Variants in PIKFYVE observed in about 807,000 individuals in gnomAD.
PIKFYVE encodes phosphoinositide kinase, FYVE-type zinc finger containing, also known as 1-phosphatidylinositol 3-phosphate 5-kinase.
A neutral mutation model predicts 257.9 loss-of-function variants in PIKFYVE; 122 were observed. The ratio of observed to expected loss-of-function variants is 0.47; its 90% CI spans 0.41 to 0.55. The LOEUF (loss-of-function observed/expected upper bound fraction) is 0.55, where lower values mean the gene tolerates loss of function less well. PIKFYVE is among the 20% of genes least tolerant of loss of function. The pLI is 0.00. For synonymous variants in PIKFYVE, 892 were observed against 868.9 expected (o/e 1.03, Z -0.47); for missense variants, 2,160 against 2,536.6 (o/e 0.85, Z 3.19).
rs1292522475 is a variant in PIKFYVE at position 208,340,012 on chromosome 2, T to G, written c.4812T>G (p.Asp1604Glu). ...PELDTASSSE[D>E]VFDGHLLGST... ...TAAGTAGACTATTTTTCATTTTAGA[T>G]GTGTTTGATGGGCATTTGCTGGGAT... The change falls in exon 31 of 42, where the codon GAT becomes GAG. Residue 1604 changes from aspartate to glutamate, a missense_variant and splice_region_variant. Asp to Glu is a conservative substitution (Grantham distance 45, BLOSUM62 2). Around this residue, in one of 12 missense-constraint regions of PIKFYVE, gnomAD observed 699 missense variants for 855.8 expected, o/e 0.82. Transcript: ENST00000264380. 6.2e-7 allele frequency: 1 copy of G among 1,613,070 alleles called. No homozygotes were observed. The highest frequency in any genetic ancestry group is 1.1e-5 in the South Asian group (1 of 91,064).
chr2:208,325,077 T>C, intron 19 of PIKFYVE, 40 bp downstream of exon 19: 1 of 1,612,476 alleles, frequency 6.2e-7, no homozygotes, highest in African/African-American at 1.3e-5. Context: ...AGGAAAAGAG[T>C]TAACTTATCA....
chr2:208,270,129 C>T (rs1315880825), intron 1 of PIKFYVE, among the ~76,000 whole-genome samples: 2 of 150,564 alleles, frequency 1.3e-5, no homozygotes, highest in African/African-American at 4.9e-5. Context: ...GTAACCTCCG[C>T]CTCCTGGGTT....
intron 1 of PIKFYVE, among the ~76,000 whole-genome samples, chr2:208,267,882 G>T (rs1688871797): frequency 6.6e-6 from 1 of 152,170 alleles, no homozygotes; most frequent in South Asian, 2.1e-4. Context: ...AGGCTCAAGG[G>T]ATTCTCCTGC....
At chr2:208,301,346 C>T (rs1693654453) in intron 9 of PIKFYVE, among the ~76,000 whole-genome samples, 1 of 152,146 alleles carries the variant, frequency 6.6e-6, no homozygotes, top group Non-Finnish European at 1.5e-5. Context: ...AACTCTCTAG[C>T]AAAGGAGGAT....
At chr2:208,340,987 C>G (rs757033505) in intron 31 of PIKFYVE, among the ~76,000 whole-genome samples, 1 of 151,816 alleles carries the variant, frequency 6.6e-6, no homozygotes, top group Non-Finnish European at 1.5e-5. Context: ...TGTTCATGCT[C>G]TCACATTTAT....
intron 29 of PIKFYVE, 26 bp from the exon 30 acceptor site, chr2:208,339,392 T>C (rs1185520331): frequency 6.2e-7 from 1 of 1,612,808 alleles, no homozygotes; most frequent in Admixed American, 1.7e-5. Context: ...TGTAAATGAC[T>C]CATTTAAGAT....
intron 4 of PIKFYVE, 112 bp from the exon 5 acceptor site, chr2:208,277,425 A>C: frequency 3.4e-6 from 4 of 1,177,312 alleles, no homozygotes; most frequent in Non-Finnish European, 5.0e-6. Context: ...TTCCCATATG[A>C]ATTTTTGAAT....
chr2:208,277,892 TTATCA>T (rs769222881), intron 5 of PIKFYVE, among the ~76,000 whole-genome samples, 184 bp downstream of exon 5: 4 of 152,286 alleles, frequency 2.6e-5, no homozygotes, highest in Admixed American at 2.0e-4. Flanking sequence ...TAGATGGGAC[TTATCA>T]TAAATAACTA....
rs34169884 is a variant in PIKFYVE at position 208,308,709 on chromosome 2, GT to G, written c.1637-3512del. ...GAGCTTATGATAACACTAGTAGTTG[GT>G]TTTTTTTTTTTTTTGAGACGAAATT... On this transcript the variant is annotated intron_variant, in intron 12 of 41. Transcript: ENST00000264380. 1.3e-3 allele frequency among the ~76,000 whole-genome samples: 178 copies of G among 140,506 alleles called. 1 individual carries two copies. Among genetic ancestry groups the G allele is most frequent in the Middle Eastern group, 3.7e-3 (1 of 272 alleles). 92.2% of individuals were successfully genotyped at this position (140,506 alleles called of 152,430 possible). A position where few individuals can be genotyped will look rare whatever the true frequency, so the allele number is the denominator to read the frequency against.
At chr2:208,345,058 C>T in intron 32 of PIKFYVE, 53 bp from the exon 33 acceptor site, 1 of 1,217,362 alleles carries the variant, frequency 8.2e-7, no homozygotes, top group East Asian at 2.4e-5. Flanking sequence ...TTATGATTTA[C>T]TTTTAAAGAA....
intron 29 of PIKFYVE, 93 bp downstream of exon 29, chr2:208,338,661 A>T: frequency 8.0e-7 from 1 of 1,257,154 alleles, no homozygotes; most frequent in Non-Finnish European, 1.2e-6. Context: ...AGTTTTTCCG[A>T]TGCTGTTGTT....
In PIKFYVE at chr2:208,325,880, T is replaced by C. The variant is rs747746833; in HGVS notation, c.3069T>C (p.Thr1023=). The change falls in exon 20 of 42, where the codon ACT becomes ACC. Residue 1023 remains threonine (T), a synonymous_variant. Coordinates refer to ENST00000264380, the MANE Select transcript of PIKFYVE (RefSeq NM_015040.4). The stretch of plus-strand genomic sequence containing the variant: ...TTAGAGACCCTCTACAGGATGACAC[T>C]GGATTATATGTTACTGAGGAAGTCA... ...RAFRDPLQDD[T]GLYVTEEVTS... is the part of the protein sequence containing the mutation. The C allele has an allele frequency of 1.2e-6, 2 of 1,613,966 alleles. No individual in the cohort carries two copies. The highest frequency in any genetic ancestry group is 2.7e-5 in the African/African-American group (2 of 74,910).
chr2:208,347,578 C>T (rs548799547), intron 34 of PIKFYVE, among the ~76,000 whole-genome samples: 1 of 152,042 alleles, frequency 6.6e-6, no homozygotes, highest in Non-Finnish European at 1.5e-5. Context: ...AGATAATTCC[C>T]TATATTTTTA....
intron 39 of PIKFYVE, 54 bp from the exon 40 acceptor site, chr2:208,353,844 C>G (rs1699990008): frequency 6.3e-7 from 1 of 1,599,176 alleles, no homozygotes; most frequent in East Asian, 2.2e-5. Context: ...CTTACATTAA[C>G]TAATCATTTG....
rs549749541 is a variant in PIKFYVE, at chr2:208,356,378, T to G, written c.*1073T>G. 2 of 152,344 alleles carry G rather than the reference T, an allele frequency of 1.3e-5. No homozygotes were observed. The highest frequency in any genetic ancestry group is 4.8e-5 in the African/African-American group (2 of 41,592). The allele number at this position is 152,344 out of a possible 1,614,324, so 9.4% of individuals were successfully genotyped here. A position where few individuals can be genotyped will look rare whatever the true frequency, so the allele number is the denominator to read the frequency against. On this transcript the variant is annotated 3_prime_UTR_variant, in exon 42 of 42. Transcript: ENST00000264380. ...AAGAAATGTTAAGAAATAGGCCAAG[T>G]GCGGTGGCTCACGCCTATAATCCTA...
intron 7 of PIKFYVE, among the ~76,000 whole-genome samples, chr2:208,298,372 T>C (rs1693250416): frequency 6.6e-6 from 1 of 152,224 alleles, no homozygotes; most frequent in Non-Finnish European, 1.5e-5. Context: ...AACTACTTTC[T>C]TTTAAACTTA....
rs1167129348 is a variant in PIKFYVE, at chr2:208,329,848, A to C, written c.3726A>C (p.Val1242=). 6.2e-7 allele frequency: 1 copy of C among 1,610,838 alleles called. No individual in the cohort carries two copies. The highest frequency in any genetic ancestry group is 1.1e-5 in the South Asian group (1 of 91,012). ...GAGGTGGTCTCTTCTTTAGGATTGT[A>C]ACAATGGAATTTTATGGAAAGAATG... is the stretch of plus-strand genomic sequence containing the variant. ...APSACVSPWI[V]TMEFYGKNDL... The change falls in exon 22 of 42, where the codon GTA becomes GTC. Residue 1242 remains valine (V), a synonymous_variant. Transcript: ENST00000264380.
At chr2:208,318,210 C>A (rs941906876) in intron 16 of PIKFYVE, among the ~76,000 whole-genome samples, 3 of 152,154 alleles carry the variant, frequency 2.0e-5, no homozygotes, top group Admixed American at 2.0e-4. Flanking sequence ...AAGATACTGG[C>A]ATTATTTATC....
chr2:208,314,617 G>C (rs963561744), intron 14 of PIKFYVE, among the ~76,000 whole-genome samples, 194 bp downstream of exon 14: 2 of 152,102 alleles, frequency 1.3e-5, no homozygotes, highest in African/African-American at 4.8e-5. Context: ...CAAGAGCCCC[G>C]GCTGGGTGCA....
Sources: gnomAD v4.1 joint callset for allele counts (sites outside exome capture counted in the v4.1 genomes callset) on GRCh38, gnomAD v4.1.1 for gene constraint, gnomAD v4.1.1 regional missense constraint, MANE v1.5 for transcripts, NCBI Gene and HGNC (gene_info 2026-07-23, HGNC 2026-07-21) for gene names.